The following SEMA5A variants were observed in gnomAD, a reference collection of about 807,000 sequenced individuals.
The protein encoded by SEMA5A is semaphorin 5A.
SEMA5A carries 55 observed loss-of-function variants against 135.5 expected under a neutral mutation model. The observed-to-expected ratio is 0.41, with a 90% CI of 0.33 to 0.51. The LOEUF (loss-of-function observed/expected upper bound fraction) is 0.51. Ranked by LOEUF, SEMA5A falls within the 20% of genes least tolerant of loss-of-function variation. The pLI is 0.37. For missense variants in SEMA5A, 1,290 were observed against 1,419.9 expected, an observed-to-expected ratio of 0.91 and a Z score of 1.47; for synonymous variants, 580 against 546.5, an observed-to-expected ratio of 1.06 and a Z score of -0.85.
chr5:9,371,675 G>A (rs1446549936), intron 3 of SEMA5A, among the ~76,000 whole-genome samples: 1 of 152,090 alleles, frequency 6.6e-6, no homozygotes, highest in African/African-American at 2.4e-5. Context: ...ATGTGATTTT[G>A]ACATTACATC....
rs147869499 is a variant in SEMA5A, at chr5:9,108,184, G to C, written c.2029C>G (p.Arg677Gly). The change falls in exon 16 of 23, where the codon CGC (arginine) becomes GGC (glycine). Residue 677 changes from arginine to glycine, a missense_variant. Arg to Gly is a moderately radical substitution (Grantham distance 125, BLOSUM62 -2). This residue lies in a region of SEMA5A where 1,029 missense variants were observed against 1,086.6 expected (regional missense o/e 0.95). Coordinates refer to ENST00000382496, the MANE Select transcript of SEMA5A (RefSeq NM_003966.3). ...AQCGGGIQARRRICENGPDCA... is the reference protein window; with the variant it reads ...AQCGGGIQARGRICENGPDCA... ...TCAGGCCCATTCTCACAGATCCTGC[G>C]GCGAGCTTGAATGCCACCCCCGCAT... 3 of 1,614,100 alleles carry C rather than the reference G, an allele frequency of 1.9e-6. No individual in the cohort carries two copies. Among genetic ancestry groups the C allele is most frequent in the African/African-American group, 1.3e-5 (1 of 75,018 alleles).
chr5:9,092,039 C>A (rs745354205), intron 16 of SEMA5A, among the ~76,000 whole-genome samples: 1 of 152,212 alleles, frequency 6.6e-6, no homozygotes, highest in African/African-American at 2.4e-5. Context: ...TATCAGGCAT[C>A]TGTATTATTC....
intron 5 of SEMA5A, among the ~76,000 whole-genome samples, chr5:9,277,806 CA>C (rs1456821623): frequency 1.3e-5 from 2 of 151,352 alleles, no homozygotes; most frequent in East Asian, 2.0e-4. Context: ...CACGCACTGT[CA>C]GGGGGGTGCG....
intron 11 of SEMA5A, among the ~76,000 whole-genome samples, chr5:9,164,183 A>G (rs1743476116): frequency 1.4e-5 from 2 of 138,300 alleles, no homozygotes; most frequent in Admixed American, 7.8e-5. Context: ...AATTATAAAT[A>G]CATAGTATAT....
At chr5:9,456,169 C>T (rs1758826357) in intron 1 of SEMA5A, among the ~76,000 whole-genome samples, 1 of 152,366 alleles carries the variant, frequency 6.6e-6, no homozygotes. Context: ...AATTTCCACT[C>T]ACCAGCTTCA....
At chr5:9,158,146 C>T (rs1006451284) in intron 11 of SEMA5A, among the ~76,000 whole-genome samples, 2 of 152,078 alleles carry the variant, frequency 1.3e-5, no homozygotes, top group Admixed American at 6.5e-5. Flanking sequence ...TGTAGCCAGC[C>T]TGGAATGAGA....
chr5:9,422,530 T>C (rs1203220550), intron 2 of SEMA5A: 1 of 152,134 alleles, frequency 6.6e-6, no homozygotes, highest in East Asian at 1.9e-4. Context: ...GTATCAAAGT[T>C]TTTCTCCTCT....
chr5:9,224,578 A>AT, intron 8 of SEMA5A, 96 bp downstream of exon 8: 3 of 1,074,062 alleles, frequency 2.8e-6, no homozygotes, highest in South Asian at 1.4e-5. Flanking sequence ...TGAAGAATTC[A>AT]TTTTTATTTA....
intron 12 of SEMA5A, among the ~76,000 whole-genome samples, chr5:9,147,941 T>C (rs556092635): frequency 3.0e-4 from 45 of 152,312 alleles, no homozygotes; most frequent in African/African-American, 1.1e-3. Context: ...TTGAGCTGGA[T>C]ACCAGGCTGG....
chr5:9,442,374 C>T (rs758200176), intron 1 of SEMA5A, among the ~76,000 whole-genome samples: 3 of 152,186 alleles, frequency 2.0e-5, no homozygotes, highest in African/African-American at 4.8e-5. Flanking sequence ...GGAAGAAGCA[C>T]TGTCCACGTG....
intron 1 of SEMA5A, among the ~76,000 whole-genome samples, chr5:9,481,728 G>A (rs1180135856): frequency 1.3e-5 from 2 of 152,118 alleles, no homozygotes; most frequent in South Asian, 2.1e-4. Flanking sequence ...GTGGCGGCAA[G>A]CTGTGAGGCT....
intron 6 of SEMA5A, among the ~76,000 whole-genome samples, chr5:9,236,828 C>A (rs1747939361): frequency 6.6e-6 from 1 of 152,062 alleles, no homozygotes; most frequent in African/African-American, 2.4e-5. Flanking sequence ...GTTGGGAAAC[C>A]CCATAACTAA....
intron 11 of SEMA5A, among the ~76,000 whole-genome samples, chr5:9,168,297 A>C (rs552775442): frequency 6.6e-6 from 1 of 152,318 alleles, no homozygotes; most frequent in African/African-American, 2.4e-5. Flanking sequence ...GACCATCGTC[A>C]ATCATTAACA....
At chr5:9,371,901 G>T (rs1412069008) in intron 3 of SEMA5A, among the ~76,000 whole-genome samples, 1 of 152,174 alleles carries the variant, frequency 6.6e-6, no homozygotes, top group Non-Finnish European at 1.5e-5. Context: ...TCAACAGTTA[G>T]CAGTGTCTTC....
chr5:9,441,469 T>C (rs1282800151), intron 1 of SEMA5A, among the ~76,000 whole-genome samples: 7 of 151,712 alleles, frequency 4.6e-5, no homozygotes, highest in Non-Finnish European at 1.0e-4. Context: ...AAAGCATGAG[T>C]TCCTGGTACC....
At chr5:9,405,954 C>A (rs563870200) in intron 2 of SEMA5A, among the ~76,000 whole-genome samples, 132 of 152,270 alleles carry the variant, frequency 8.7e-4, no homozygotes, top group Non-Finnish European at 1.5e-3. Context: ...GCAGAAACAA[C>A]AAGATGATGA....
chr5:9,147,849 G>A (rs752348780), intron 12 of SEMA5A, among the ~76,000 whole-genome samples: 71 of 152,146 alleles, frequency 4.7e-4, no homozygotes, highest in Non-Finnish European at 8.7e-4. Context: ...TTCCTTTCAA[G>A]GTATGAAGTA....
chr5:9,258,828 T>TTTTC (rs10631429), intron 5 of SEMA5A, among the ~76,000 whole-genome samples: 3 of 144,450 alleles, frequency 2.1e-5, no homozygotes, highest in East Asian at 2.0e-4. Flanking sequence ...TTTTTTTTTT[T>TTTTC]CCCTGAGATG....
At chr5:9,249,894 G>A (rs1748683429) in intron 5 of SEMA5A, among the ~76,000 whole-genome samples, 1 of 152,204 alleles carries the variant, frequency 6.6e-6, no homozygotes, top group African/African-American at 2.4e-5. Context: ...CTAAGCTGGA[G>A]AACTGGACCC....
Sources: gnomAD v4.1 joint callset for allele counts (sites outside exome capture counted in the v4.1 genomes callset) on GRCh38, gnomAD v4.1.1 for gene constraint, gnomAD v4.1.1 regional missense constraint, MANE v1.5 for transcripts, NCBI Gene and HGNC (gene_info 2026-07-23, HGNC 2026-07-21) for gene names.